The following SCGN variants were observed in gnomAD, a reference collection of about 807,000 sequenced individuals.
SCGN encodes the protein secretagogin, EF-hand calcium binding protein.
SCGN carries 30 observed loss-of-function variants against 39.7 expected under a neutral mutation model. The ratio of observed to expected loss-of-function variants is 0.76; its 90% CI spans 0.57 to 1.03. SCGN has a LOEUF of 1.03. SCGN is among the 50% of genes least tolerant of loss of function. The pLI, the probability that SCGN is intolerant of heterozygous loss-of-function variation, is 0.00. For missense variants in SCGN, 353 were observed against 349.4 expected, an observed-to-expected ratio of 1.01 and a Z score of -0.08; for synonymous variants, 106 against 114.1, an observed-to-expected ratio of 0.93 and a Z score of 0.45.
chr6:25,664,825 C>A, intron 3 of SCGN, 118 bp from the exon 4 acceptor site: 1 of 652,946 alleles, frequency 1.5e-6, no homozygotes, highest in Non-Finnish European at 2.7e-6. Flanking sequence ...AGCTGTTCAT[C>A]CTGGAAGATC....
chr6:25,662,575 T>C (rs1321248), intron 3 of SCGN, among the ~76,000 whole-genome samples: 24,178 of 152,166 alleles, frequency 0.16, 1,930 homozygotes, highest in African/African-American at 0.17. Flanking sequence ...GAGCAGTCAA[T>C]ATTATTGAAG....
intron 2 of SCGN, among the ~76,000 whole-genome samples, chr6:25,659,121 A>G (rs1760286610): frequency 6.6e-6 from 1 of 152,226 alleles, no homozygotes; most frequent in Admixed American, 6.5e-5. Flanking sequence ...CATAATGCCC[A>G]GGAACTTCCC....
At chr6:25,669,803 G>A (rs900043247) in intron 5 of SCGN, among the ~76,000 whole-genome samples, 196 bp from the exon 6 acceptor site, 1 of 152,070 alleles carries the variant, frequency 6.6e-6, no homozygotes, top group Non-Finnish European at 1.5e-5. Flanking sequence ...ACTTTTTCAC[G>A]CTGGAGCTAT....
At position 25,691,141 on chromosome 6, in the gene SCGN, C is replaced by T; in HGVS notation, c.702+17C>T. ...CTTGTCCAGGTGAGTGCACGTTCTT[C>T]TTATTATGAAGTGGGGTTGTTGTTT... On this transcript the variant is annotated intron_variant, in intron 10 of 10. Coordinates refer to ENST00000377961, the MANE Select transcript of SCGN (RefSeq NM_006998.4). 6.3e-7 allele frequency: 1 copy of T among 1,589,806 alleles called. No homozygotes were observed. Among genetic ancestry groups the T allele is most frequent in the Non-Finnish European group, 8.6e-7 (1 of 1,159,042 alleles).
chr6:25,682,200 T>G (rs1759645456), intron 7 of SCGN, among the ~76,000 whole-genome samples, 194 bp downstream of exon 7: 1 of 152,226 alleles, frequency 6.6e-6, no homozygotes, highest in Non-Finnish European at 1.5e-5. Flanking sequence ...ATGAAAATTC[T>G]TCTCTCCAAA....
At chr6:25,682,777 T>C (rs887420239) in intron 7 of SCGN, among the ~76,000 whole-genome samples, 1 of 152,116 alleles carries the variant, frequency 6.6e-6, no homozygotes, top group African/African-American at 2.4e-5. Flanking sequence ...CAGGTATAGC[T>C]GAGAGAGAGG....
rs146720923 is a variant in SCGN at position 25,690,949 on chromosome 6, A to G, written c.634-107A>G. ...ATTGGAACATGCCACTTCTAAATCT[A>G]TTTGCGGCCACACAAGAATACTGAT... On this transcript the variant is annotated intron_variant, in intron 9 of 10. Transcript: ENST00000377961. The G allele has an allele frequency of 1.1e-3, 804 of 758,946 alleles. 10 individuals are homozygous for G. The East Asian group carries it at 0.018, about 17-fold the overall frequency. 47.0% of individuals were successfully genotyped at this position (758,946 alleles called of 1,614,324 possible).
At chr6:25,662,379 T>C (rs936156737) in intron 3 of SCGN, among the ~76,000 whole-genome samples, 1 of 152,214 alleles carries the variant, frequency 6.6e-6, no homozygotes, top group Admixed American at 6.5e-5. Flanking sequence ...TAAGTGGTAA[T>C]GGTTTTAATG....
At chr6:25,695,948 T>C (rs1281787649) in intron 10 of SCGN, among the ~76,000 whole-genome samples, 5 of 152,130 alleles carry the variant, frequency 3.3e-5, no homozygotes, top group Admixed American at 1.3e-4. Context: ...CAAGAGAAGG[T>C]AGAAATATGA....
chr6:25,669,826 G>A (rs1448906190), intron 5 of SCGN, among the ~76,000 whole-genome samples, 173 bp from the exon 6 acceptor site: 9 of 152,088 alleles, frequency 5.9e-5, no homozygotes, highest in African/African-American at 1.7e-4. Context: ...CCTGGGTCCC[G>A]TGAGCTCCCT....
At chr6:25,671,804 G>T (rs1378308921) in intron 6 of SCGN, among the ~76,000 whole-genome samples, 4 of 151,692 alleles carry the variant, frequency 2.6e-5, no homozygotes, top group Non-Finnish European at 5.9e-5. Flanking sequence ...CAATAAGGAG[G>T]TGGTTTTTCT....
At position 25,667,460 on chromosome 6, in the gene SCGN, C is replaced by G. The variant is rs541796551; in HGVS notation, c.337-2051C>G. The stretch of plus-strand genomic sequence containing the variant: ...ATTCTAAGTTAATGTCTTTACTTTT[C>G]CCCTGAACCACAGGGTCTTAACACA... On this transcript the variant is annotated intron_variant, in intron 4 of 10. Coordinates refer to ENST00000377961, the MANE Select transcript of SCGN (RefSeq NM_006998.4). Among the ~76,000 whole-genome samples, 4 of 152,232 alleles carry G rather than the reference C, an allele frequency of 2.6e-5. No homozygotes were observed. In the South Asian group the frequency reaches 8.3e-4, roughly 32 times the overall value.
Position 25,689,506 on chromosome 6 carries a change from G to C in SCGN, c.607G>C (p.Glu203Gln), listed in dbSNP as rs1423242526. 6.2e-7 allele frequency: 1 copy of C among 1,613,812 alleles called. No individual in the cohort carries two copies. The highest frequency in any genetic ancestry group is 1.3e-5 in the African/African-American group (1 of 74,920). The change falls in exon 9 of 11, where the codon GAG becomes CAG. Residue 203 changes from glutamate (E) to glutamine (Q), a missense_variant. Transcript: ENST00000377961. ...TACTGAAGAAAGGAAAAGGGACTTTGAGAAAATCTTTGCCTACTATGATGT... is the reference window on the plus strand; with the variant it reads ...TACTGAAGAAAGGAAAAGGGACTTTCAGAAAATCTTTGCCTACTATGATGT... ...CSTEERKRDF[E>Q]KIFAYYDVSK...
chr6:25,696,143 T>C (rs1028354012), intron 10 of SCGN, among the ~76,000 whole-genome samples: 1 of 152,168 alleles, frequency 6.6e-6, no homozygotes, highest in African/African-American at 2.4e-5. Flanking sequence ...CAGTAAAGAA[T>C]TGAATCTAAC....
intron 2 of SCGN, among the ~76,000 whole-genome samples, chr6:25,656,934 C>T (rs1760237350): frequency 6.6e-6 from 1 of 152,102 alleles, no homozygotes; most frequent in South Asian, 2.1e-4. Flanking sequence ...TTTATTCATC[C>T]AATGGATCCT....
At chr6:25,686,701 A>G (rs1054066254) in intron 7 of SCGN, among the ~76,000 whole-genome samples, 3 of 152,066 alleles carry the variant, frequency 2.0e-5, no homozygotes, top group Non-Finnish European at 4.4e-5. Flanking sequence ...TTTAATTCTC[A>G]TGAAGTCCAA....
At chr6:25,683,635 A>C (rs1239504431) in intron 7 of SCGN, among the ~76,000 whole-genome samples, 1 of 152,250 alleles carries the variant, frequency 6.6e-6, no homozygotes, top group Non-Finnish European at 1.5e-5. Context: ...TCAGTGTATA[A>C]GTGCTTGCAT....
intron 7 of SCGN, among the ~76,000 whole-genome samples, chr6:25,688,182 T>C (rs1269814707): frequency 1.3e-5 from 2 of 152,238 alleles, no homozygotes; most frequent in Non-Finnish European, 2.9e-5. Flanking sequence ...TATTGTTTCA[T>C]GTGGATTTAA....
chr6:25,674,095 T>A (rs1759535237), intron 6 of SCGN, among the ~76,000 whole-genome samples: 1 of 152,312 alleles, frequency 6.6e-6, no homozygotes, highest in East Asian at 1.9e-4. Context: ...ATCAGAAATC[T>A]GCCCCCATGA....
Sources: gnomAD v4.1 joint callset for allele counts (sites outside exome capture counted in the v4.1 genomes callset) on GRCh38, gnomAD v4.1.1 for gene constraint, MANE v1.5 for transcripts, NCBI Gene and HGNC (gene_info 2026-07-23, HGNC 2026-07-21) for gene names.